The following PRKN variants were observed in gnomAD, a reference collection of about 807,000 sequenced individuals.
The protein encoded by PRKN is parkin RBR E3 ubiquitin protein ligase.
In PRKN, 56 loss-of-function variants were observed where a neutral mutation model predicts 59.5. That is an observed-to-expected ratio of 0.94 (90% CI 0.76 to 1.18). The LOEUF is 1.18. PRKN is among the 50% of genes most tolerant of loss of function. The pLI, the probability that PRKN is intolerant of heterozygous loss-of-function variation, is 0.00. For missense variants in PRKN, 657 were observed against 596.4 expected, an observed-to-expected ratio of 1.10 and a Z score of -1.06; for synonymous variants, 250 against 222.1, an observed-to-expected ratio of 1.13 and a Z score of -1.12.
chr6:162,442,304 A>G (rs1042013325), intron 2 of PRKN, among the ~76,000 whole-genome samples: 1 of 152,224 alleles, frequency 6.6e-6, no homozygotes, highest in African/African-American at 2.4e-5. Flanking sequence ...TGCGCGGAGC[A>G]GTGATACCCA....
At chr6:161,555,729 G>A (rs562379135) in intron 8 of PRKN, among the ~76,000 whole-genome samples, 5 of 152,150 alleles carry the variant, frequency 3.3e-5, no homozygotes, top group African/African-American at 1.2e-4. Context: ...ACAGACTTTT[G>A]CACTCATTCC....
At chr6:162,441,137 G>A (rs188833205) in intron 2 of PRKN, among the ~76,000 whole-genome samples, 5 of 151,952 alleles carry the variant, frequency 3.3e-5, no homozygotes, top group East Asian at 1.9e-4. Flanking sequence ...CCAAACACAC[G>A]TACTCAGCTG....
chr6:162,721,396 A>G (rs1778937388), intron 1 of PRKN, among the ~76,000 whole-genome samples: 1 of 152,224 alleles, frequency 6.6e-6, no homozygotes, highest in Admixed American at 6.5e-5. Flanking sequence ...CAACCTGTTC[A>G]TAATGCTCTT....
chr6:162,222,467 A>C (rs1164485807), intron 3 of PRKN, among the ~76,000 whole-genome samples: 1 of 152,162 alleles, frequency 6.6e-6, no homozygotes, highest in Non-Finnish European at 1.5e-5. Flanking sequence ...AGGGCATTGC[A>C]GGAGCCTCAA....
At chr6:162,046,354 C>T (rs923362054) in intron 5 of PRKN, among the ~76,000 whole-genome samples, 2 of 152,072 alleles carry the variant, frequency 1.3e-5, no homozygotes, top group African/African-American at 4.8e-5. Context: ...ACATAAAGTG[C>T]GATACAAACT....
At chr6:161,996,069 T>A (rs1449536476) in intron 5 of PRKN, among the ~76,000 whole-genome samples, 1 of 152,084 alleles carries the variant, frequency 6.6e-6, no homozygotes, top group Non-Finnish European at 1.5e-5. Context: ...AATCAGCATA[T>A]CAAAGGGATA....
At chr6:162,554,488 G>C (rs977851282) in intron 1 of PRKN, among the ~76,000 whole-genome samples, 2 of 152,082 alleles carry the variant, frequency 1.3e-5, no homozygotes, top group Non-Finnish European at 2.9e-5. Context: ...GGCAGCAAGA[G>C]CAAAACTCCA....
chr6:161,467,053 G>A lies in PRKN; in HGVS notation c.1084-80176C>T, dbSNP rs1456278628. Among the ~76,000 whole-genome samples, 1 of 152,188 alleles carries A rather than the reference G, an allele frequency of 6.6e-6. No homozygotes were observed. On this transcript the variant is annotated intron_variant, in intron 9 of 11. Coordinates refer to ENST00000366898, the MANE Select transcript of PRKN (RefSeq NM_004562.3). This position sits in a 1 kb window ranked among gnomAD's most constrained non-coding sequence, Gnocchi z 4.3. ...GTTCTACATCCCAGAAACCAGGATT[G>A]TTTGCCACTGATTTCATTTTCTTCT...
At chr6:162,035,888 C>T (rs1190816478) in intron 5 of PRKN, among the ~76,000 whole-genome samples, 1 of 152,068 alleles carries the variant, frequency 6.6e-6, no homozygotes, top group Non-Finnish European at 1.5e-5. Context: ...CATAGAAACC[C>T]TTCACACTAA....
At chr6:162,713,150 A>C (rs753999738) in intron 1 of PRKN, among the ~76,000 whole-genome samples, 17 of 152,236 alleles carry the variant, frequency 1.1e-4, no homozygotes, top group Non-Finnish European at 2.4e-4. Flanking sequence ...TCAGTCAAAT[A>C]AACAAAAAAC....
At chr6:162,232,340 G>A (rs1363045063) in intron 3 of PRKN, among the ~76,000 whole-genome samples, 2 of 152,106 alleles carry the variant, frequency 1.3e-5, no homozygotes, top group African/African-American at 4.8e-5. Flanking sequence ...TGCAGGGGCT[G>A]CCTTCCTTTC....
chr6:161,852,437 A>G (rs1336075952), intron 6 of PRKN, among the ~76,000 whole-genome samples: 1 of 152,154 alleles, frequency 6.6e-6, no homozygotes, highest in Non-Finnish European at 1.5e-5. Flanking sequence ...CGGGTGACAA[A>G]GCAAGGCTCT....
chr6:161,503,930 C>A lies in PRKN; in HGVS notation c.1083+44924G>T, dbSNP rs1473098268. Among the ~76,000 whole-genome samples, 1 of 152,198 alleles carries A rather than the reference C, an allele frequency of 6.6e-6. No individual in the cohort carries two copies. The highest frequency in any genetic ancestry group is 2.4e-5 in the African/African-American group (1 of 41,448). On this transcript the variant is annotated intron_variant, in intron 9 of 11. Coordinates refer to ENST00000366898, the MANE Select transcript of PRKN (RefSeq NM_004562.3). This position sits in a 1 kb window ranked among gnomAD's most constrained non-coding sequence, Gnocchi z 5.1. ...TGAGACACCCTAGACAGGGGGAAAG[C>A]ATTGAAGAACCTCTGTGGTCAACCT... is the stretch of plus-strand genomic sequence containing the variant.
At chr6:162,020,129 T>C (rs1171042213) in intron 5 of PRKN, among the ~76,000 whole-genome samples, 1 of 151,456 alleles carries the variant, frequency 6.6e-6, no homozygotes, top group African/African-American at 2.4e-5. Context: ...GTTGAGAGGA[T>C]GGAGGGACAG....
At chr6:162,711,941 T>C (rs2128238842) in intron 1 of PRKN, among the ~76,000 whole-genome samples, 1 of 152,290 alleles carries the variant, frequency 6.6e-6, no homozygotes, top group South Asian at 2.1e-4. Flanking sequence ...TTATTCATAG[T>C]AGGCTGAATC....
chr6:161,859,608 C>G (rs1197858837), intron 6 of PRKN, among the ~76,000 whole-genome samples: 1 of 39,608 alleles, frequency 2.5e-5, no homozygotes, highest in South Asian at 8.3e-4. Flanking sequence ...GAGACTCTCT[C>G]TCAAAAAAAA....
At position 161,502,336 on chromosome 6, in the gene PRKN, G is replaced by T. The variant is rs757307785; in HGVS notation, c.1083+46518C>A. ...ATAACAATATTTTCTCTAAGCTCAT[G>T]AACAATGTTTGGCTGTGCAGAAAAC... is the stretch of plus-strand genomic sequence containing the variant. On this transcript the variant is annotated intron_variant, in intron 9 of 11. Transcript: ENST00000366898. This position sits in a 1 kb window ranked among gnomAD's most constrained non-coding sequence, Gnocchi z 4.0. Among the ~76,000 whole-genome samples, 72 of 152,150 alleles carry T rather than the reference G, an allele frequency of 4.7e-4. No homozygotes were observed. Among genetic ancestry groups the T allele is most frequent in the Admixed American group, 1.6e-3 (24 of 15,282 alleles).
chr6:162,632,292 G>T (rs1783140083), intron 1 of PRKN, among the ~76,000 whole-genome samples: 1 of 152,164 alleles, frequency 6.6e-6, no homozygotes, highest in Admixed American at 6.5e-5. Context: ...TAAAGAAAAT[G>T]TGGTACATAT....
chr6:161,523,511 C>A (rs549530354), intron 9 of PRKN, among the ~76,000 whole-genome samples: 1 of 152,192 alleles, frequency 6.6e-6, no homozygotes, highest in African/African-American at 2.4e-5. Flanking sequence ...AATTGCAATG[C>A]TTTTCATGGT....
Sources: gnomAD v4.1 joint callset for allele counts (sites outside exome capture counted in the v4.1 genomes callset) on GRCh38, gnomAD v4.1.1 for gene constraint, Gnocchi (gnomAD v3.1) non-coding constraint, MANE v1.5 for transcripts, NCBI Gene and HGNC (gene_info 2026-07-23, HGNC 2026-07-21) for gene names.